Variants in WDR90 observed in about 807,000 individuals in gnomAD.
WDR90 encodes WD repeat-containing protein 90.
In WDR90, 238 loss-of-function variants were observed where a neutral mutation model predicts 195.2. That is an observed-to-expected ratio of 1.22 (90% CI 1.10 to 1.36). WDR90 has a LOEUF of 1.36. Among genes scored for constraint, WDR90 ranks in the 40% most tolerant of loss-of-function variants. The pLI is 0.00. For synonymous variants in WDR90, 1,265 were observed against 1,052.4 expected (o/e 1.20, Z -3.91); for missense variants, 2,734 against 2,439.5 (o/e 1.12, Z -2.54).
intron 28 of WDR90, 36 bp from the exon 29 acceptor site, chr16:660,988 AGGCCCCTCCCCGCCCCCCCCCCCCCCC>A (rs2037889680): frequency 4.5e-4 from 9 of 19,786 alleles, no homozygotes; most frequent in South Asian, 6.9e-4. Flanking sequence ...GCCCCTCCCC[AGGCCCCTCCCCGCCCCCCCCCCCCCCC>A]GGCCCGGCCT....
rs774404086 is a variant in WDR90, at chr16:665,819, G to GGGCC, written c.4434+21_4434+24dup. ...TGAACCAGGTGTGTGGGGAGTGCCC[G>GGGCC]GGCCGGGGGCGGGATGGGGGCCTGC... On this transcript the variant is annotated intron_variant, in intron 35 of 40. Transcript: ENST00000293879. 1.9e-6 allele frequency: 3 copies of GGGCC among 1,564,740 alleles called. No individual in the cohort carries two copies. Among genetic ancestry groups the GGGCC allele is most frequent in the Non-Finnish European group, 2.6e-6 (3 of 1,152,090 alleles).
Position 656,755 on chromosome 16 carries a change from G to A in WDR90, c.2226G>A (p.Glu742=), listed in dbSNP as rs2037763913. 1 of 1,613,042 alleles carries A rather than the reference G, an allele frequency of 6.2e-7. No individual in the cohort carries two copies. The highest frequency in any genetic ancestry group is 1.3e-5 in the African/African-American group (1 of 74,924). ...AGCTATACGACTTCACATCATCAGA[G>A]GACGCCCCGTGCGCTGTCACCTTCC... The part of the protein sequence containing the change: ...LQQLYDFTSS[E]DAPCAVTFHP... Residue 742 remains glutamate (E), a synonymous_variant, in exon 19 of 41, where the codon GAG becomes GAA. Transcript: ENST00000293879.
chr16:655,376 C>T lies in WDR90; in HGVS notation c.1626C>T (p.Pro542=), dbSNP rs762718987. 4.7e-5 allele frequency: 75 copies of T among 1,600,264 alleles called. No homozygotes were observed. The East Asian group carries it at 6.7e-4, about 14-fold the overall frequency. ...GTGGCGGGGTGCTGCGTTCCTGCCC[C>T]GTGGACTTAGGGGAGCACCACGCGC... ...RLRGGVLRSC[P]VDLGEHHALQ... The change falls in exon 15 of 41, where the codon CCC becomes CCT. Residue 542 remains proline, a synonymous_variant. Transcript: ENST00000293879.
chr16:666,087 C>T lies in WDR90; in HGVS notation c.4572C>T (p.His1524=), dbSNP rs745901307. The T allele has an allele frequency of 1.2e-6, 2 of 1,610,286 alleles. No homozygotes were observed. The highest frequency in any genetic ancestry group is 1.1e-5 in the South Asian group (1 of 91,050). ...CCATGGAGCTCAAGATGCACCCCCA[C>T]CCGGTGGCGCTGACCACTGTTGCCT... ...RTAMELKMHP[H]PVALTTVAFS... The change falls in exon 36 of 41, where the codon CAC becomes CAT. Residue 1524 remains histidine (H), a synonymous_variant. Transcript: ENST00000293879.
In WDR90 at chr16:651,074, G is replaced by A. The variant is rs1018152222; in HGVS notation, c.639G>A (p.Glu213=). 2.5e-6 allele frequency: 4 copies of A among 1,613,556 alleles called. No individual in the cohort carries two copies. Among genetic ancestry groups the A allele is most frequent in the Non-Finnish European group, 3.4e-6 (4 of 1,179,948 alleles). Residue 213 remains glutamate, a synonymous_variant, in exon 6 of 41, where the codon GAG becomes GAA. Coordinates refer to ENST00000293879, the MANE Select transcript of WDR90 (RefSeq NM_145294.5). ...REMAFPVPKG[E]SWHDRYIHVR... ...TGGCATTCCCTGTGCCCAAGGGAGA[G>A]AGCTGGCATGACCGCTACATCCACG...
intron 34 of WDR90, chr16:663,103 T>G: frequency 1.6e-6 from 1 of 631,276 alleles, no homozygotes; most frequent in Non-Finnish European, 2.9e-6. Context: ...TTGCTTTGCG[T>G]TTTTTTGTTT....
intron 13 of WDR90, chr16:654,378 CTTT>C (rs755840910): frequency 3.0e-5 from 4 of 135,146 alleles, no homozygotes; most frequent in South Asian, 2.4e-4. Flanking sequence ...ACCTGGCTAA[CTTT>C]TTTTTTTTTT....
chr16:660,697 T>C lies in WDR90; in HGVS notation c.3374T>C (p.Val1125Ala), dbSNP rs1212989439. 1.3e-6 allele frequency: 2 copies of C among 1,572,200 alleles called. No individual in the cohort carries two copies. Among genetic ancestry groups the C allele is most frequent in the Admixed American group, 3.7e-5 (2 of 54,686 alleles). ...AGCGGGAATGGGCGGGCCAACATGGTCTGGAGGCCGGACACAGGTGGGGGC... is the reference window on the plus strand; with the variant it reads ...AGCGGGAATGGGCGGGCCAACATGGCCTGGAGGCCGGACACAGGTGGGGGC... ...GYSGNGRANM[V>A]WRPDTGFFAY... Residue 1125 changes from valine to alanine, a missense_variant, in exon 28 of 41, where the codon GTC becomes GCC. By Grantham distance (64) the Val-to-Ala change is moderately conservative. Transcript: ENST00000293879.
upstream of WDR90, chr16:649,258 G>A (rs1246007999): frequency 3.7e-6 from 3 of 805,722 alleles, no homozygotes; most frequent in Non-Finnish European, 5.1e-6. Flanking sequence ...CGTGAGCGGG[G>A]TACTCCCACC....
chr16:667,266 G>A (rs1314029017), intron 40 of WDR90, among the ~76,000 whole-genome samples, 166 bp from the exon 41 acceptor site: 1 of 152,210 alleles, frequency 6.6e-6, no homozygotes, highest in Non-Finnish European at 1.5e-5. Context: ...TGGCAGTGAT[G>A]GACCCCCTAG....
At chr16:661,002 C>CG in intron 28 of WDR90, 49 bp from the exon 29 acceptor site, 1 of 64,806 alleles carries the variant, frequency 1.5e-5, no homozygotes, top group Non-Finnish European at 2.3e-5. Flanking sequence ...CCCTCCCCGC[C>CG]CCCCCCCCCC....
At chr16:649,473 T>C (rs1039001135) in intron 1 of WDR90, 47 bp downstream of exon 1, 2 of 1,287,188 alleles carry the variant, frequency 1.6e-6, no homozygotes, top group Admixed American at 4.2e-5. Flanking sequence ...GTTCCGGGGT[T>C]CCGGGGTCCA....
rs3752492 is a variant in WDR90 at position 667,544 on chromosome 16, G to A, written c.5202G>A (p.Thr1734=). 5,373 of 1,611,556 alleles carry A rather than the reference G, an allele frequency of 3.3e-3. 9 individuals carry two copies. The highest frequency in any genetic ancestry group is 4.0e-3 in the Non-Finnish European group (4,743 of 1,179,938). Residue 1734 remains threonine (T), a synonymous_variant, in exon 41 of 41, where the codon ACG becomes ACA. Transcript: ENST00000293879. ...CACCGTCCGCCAGGCTGCTCTTCAC[G>A]GCCGCCCGCAACGAGATCCTTGTGT... ...RFTPSARLLF[T]AARNEILVWE... is the part of the protein sequence containing the mutation.
At chr16:660,896 G>A (rs988037597) in intron 28 of WDR90, 155 bp from the exon 29 acceptor site, 5 of 764,092 alleles carry the variant, frequency 6.5e-6, no homozygotes, top group Non-Finnish European at 5.3e-6. Flanking sequence ...TTGGCTACTG[G>A]ACGCTGGGGA....
At chr16:653,873 G>T in intron 13 of WDR90, 70 bp downstream of exon 13, 1 of 1,572,104 alleles carries the variant, frequency 6.4e-7, no homozygotes. Context: ...AAGGGTCTTG[G>T]TTTTCTGAAA....
rs566387037 is a variant in WDR90 at position 652,039 on chromosome 16, A to C, written c.1053A>C (p.Glu351Asp). 78 of 1,590,500 alleles carry C rather than the reference A, an allele frequency of 4.9e-5. 3 individuals are homozygous for C. In the Admixed American group the frequency reaches 1.3e-3, roughly 26 times the overall value. The change falls in exon 9 of 41, where the codon GAA becomes GAC. Residue 351 changes from glutamate (E) to aspartate (D), a missense_variant and splice_region_variant. Physicochemically the swap from Glu to Asp is conservative, Grantham distance 45. Coordinates refer to ENST00000293879, the MANE Select transcript of WDR90 (RefSeq NM_145294.5). ...EVPVARTGSCEGFLPDPVLRL... is the reference protein window; with the variant it reads ...EVPVARTGSCDGFLPDPVLRL... ...CCGTGGCCCGCACCGGCTCCTGCGA[A>C]GTGAGTGCCCATCCCACAGCAGGCG... is the stretch of plus-strand genomic sequence containing the variant.
intron 20 of WDR90, 148 bp downstream of exon 20, chr16:657,369 A>T: frequency 8.0e-7 from 1 of 1,256,650 alleles, no homozygotes. Flanking sequence ...TAACCTTGTC[A>T]AGGCCCTGAG....
chr16:653,623 G>A lies in WDR90; in HGVS notation c.1332G>A (p.Arg444=), dbSNP rs1320592585. The stretch of plus-strand genomic sequence containing the variant: ...GGCTCTGGGACTTCCAGACCGGGCG[G>A]TGCTTGTGCCTGTTCCGGAGCCCAA... ...VMRLWDFQTG[R]CLCLFRSPMH... Residue 444 remains arginine, a synonymous_variant, in exon 12 of 41, where the codon CGG becomes CGA. Transcript: ENST00000293879. 5.6e-6 allele frequency: 9 copies of A among 1,613,428 alleles called. No individual in the cohort carries two copies. Among genetic ancestry groups the A allele is most frequent in the Non-Finnish European group, 7.6e-6 (9 of 1,180,018 alleles).
At chr16:663,057 C>T (rs2037950423) in intron 34 of WDR90, 3 of 729,832 alleles carry the variant, frequency 4.1e-6, no homozygotes, top group Non-Finnish European at 7.3e-6. Flanking sequence ...GCCTGGCAGG[C>T]CTTGCAGGTC....
Sources: gnomAD v4.1 joint callset for allele counts (sites outside exome capture counted in the v4.1 genomes callset) on GRCh38, gnomAD v4.1.1 for gene constraint, MANE v1.5 for transcripts, NCBI Gene and HGNC (gene_info 2026-07-23, HGNC 2026-07-21) for gene names.